GPR63: variants seen among roughly 807,000 people sequenced by gnomAD.
GPR63 encodes probable G protein-coupled receptor 63.
A neutral mutation model predicts 23.1 loss-of-function variants in GPR63; 12 were observed. The ratio of observed to expected loss-of-function variants is 0.52; its 90% CI spans 0.33 to 0.84. GPR63 has a LOEUF of 0.84. GPR63 is among the 40% of genes least tolerant of loss of function. The pLI is 0.02. For synonymous variants in GPR63, 172 were observed against 191.1 expected (o/e 0.90, Z 0.82); for missense variants, 472 against 515.6 (o/e 0.92, Z 0.82).
chr6:96,812,105 TTTAAAG>T (rs1431853753), intron 1 of GPR63, among the ~76,000 whole-genome samples: 4 of 152,020 alleles, frequency 2.6e-5, no homozygotes, highest in Non-Finnish European at 5.9e-5. Context: ...GAAGAGCTTA[TTTAAAG>T]TTATTTTTTA....
intron 1 of GPR63, among the ~76,000 whole-genome samples, chr6:96,826,684 T>C (rs1225256833): frequency 6.6e-6 from 1 of 152,094 alleles, no homozygotes; most frequent in Non-Finnish European, 1.5e-5. Context: ...AATTAGAATA[T>C]TTGTCAGAAG....
chr6:96,827,969 A>G (rs941161462), intron 1 of GPR63, among the ~76,000 whole-genome samples: 3 of 152,062 alleles, frequency 2.0e-5, no homozygotes, highest in African/African-American at 4.8e-5. Flanking sequence ...ACTAAATATA[A>G]CAGATACTGT....
At chr6:96,816,732 G>C (rs943646060) in intron 1 of GPR63, among the ~76,000 whole-genome samples, 1 of 152,172 alleles carries the variant, frequency 6.6e-6, no homozygotes, top group Non-Finnish European at 1.5e-5. Context: ...AAGCTTGAAA[G>C]TCTGGTAAAA....
In GPR63 at chr6:96,799,375, G is replaced by C. The variant is rs771942388; in HGVS notation, c.357C>G (p.Leu119=). The C allele has an allele frequency of 1.9e-6, 3 of 1,614,166 alleles. No homozygotes were observed. Among genetic ancestry groups the C allele is most frequent in the South Asian group, 1.1e-5 (1 of 91,078 alleles). ...KAAMRSAINI[L]LASLAFADML... is the part of the protein sequence containing the mutation. ...TGTCTGCAAAAGCTAGGCTGGCAAG[G>C]AGGATGTTAATTGCAGACCTCATGG... The change falls in exon 2 of 2, where the codon CTC becomes CTG. Residue 119 remains leucine, a synonymous_variant. Transcript: ENST00000229955.
At chr6:96,817,837 G>A (rs1774202498) in intron 1 of GPR63, among the ~76,000 whole-genome samples, 1 of 151,386 alleles carries the variant, frequency 6.6e-6, no homozygotes, top group South Asian at 2.1e-4. Context: ...AAGAGTAGGA[G>A]TTATGACTGG....
At chr6:96,810,411 C>T (rs530486555) in intron 1 of GPR63, among the ~76,000 whole-genome samples, 2 of 151,690 alleles carry the variant, frequency 1.3e-5, no homozygotes, top group Admixed American at 1.3e-4. Context: ...ACAAGAATCA[C>T]TTGAATCCAG....
intron 1 of GPR63, among the ~76,000 whole-genome samples, chr6:96,809,391 A>G (rs1773982670): frequency 6.6e-6 from 1 of 152,182 alleles, no homozygotes; most frequent in South Asian, 2.1e-4. Flanking sequence ...ATTACAACTT[A>G]GAAAGAAACT....
Position 96,796,947 on chromosome 6 carries a change from G to A in GPR63, c.*1525C>T, listed in dbSNP as rs1773595773. The A allele has an allele frequency of 6.6e-6, 1 of 152,148 alleles. No homozygotes were observed. The highest frequency in any genetic ancestry group is 2.4e-5 in the African/African-American group (1 of 41,422). 9.4% of individuals were successfully genotyped at this position (152,148 alleles called of 1,614,324 possible). On this transcript the variant is annotated 3_prime_UTR_variant, in exon 2 of 2. Transcript: ENST00000229955. ...TTGTAGGTCAGATGTGGTGGCTCAT[G>A]CCTGTAATCCCAACATTTTGGGAGG...
At chr6:96,809,792 C>T (rs935990947) in intron 1 of GPR63, among the ~76,000 whole-genome samples, 16 of 152,154 alleles carry the variant, frequency 1.1e-4, no homozygotes, top group Admixed American at 9.2e-4. Context: ...CATTCATTAA[C>T]TAAGATGTTC....
At chr6:96,815,282 CTTAAG>C (rs1325295503) in intron 1 of GPR63, among the ~76,000 whole-genome samples, 2 of 152,148 alleles carry the variant, frequency 1.3e-5, no homozygotes, top group African/African-American at 4.8e-5. Context: ...AGAATTTGAT[CTTAAG>C]TTAATGATTT....
chr6:96,818,021 T>G (rs533282988), intron 1 of GPR63, among the ~76,000 whole-genome samples: 18 of 151,822 alleles, frequency 1.2e-4, no homozygotes, highest in Non-Finnish European at 2.5e-4. Context: ...AGAAATAATT[T>G]TATACTACCC....
At chr6:96,826,004 A>G (rs374696270) in intron 1 of GPR63, among the ~76,000 whole-genome samples, 1 of 152,120 alleles carries the variant, frequency 6.6e-6, no homozygotes, top group East Asian at 1.9e-4. Context: ...TAAAATATAA[A>G]AAATAAAAAG....
chr6:96,827,678 G>A (rs757049866), intron 1 of GPR63, among the ~76,000 whole-genome samples: 6 of 151,654 alleles, frequency 4.0e-5, no homozygotes, highest in Non-Finnish European at 7.4e-5. Context: ...CCCTGACAAA[G>A]AAAAAAATGA....
At chr6:96,821,107 A>C (rs959230682) in intron 1 of GPR63, among the ~76,000 whole-genome samples, 1 of 152,208 alleles carries the variant, frequency 6.6e-6, no homozygotes, top group Non-Finnish European at 1.5e-5. Context: ...TGGGCAGGTT[A>C]CTGAACCTCA....
chr6:96,819,121 A>T (rs1449949474), intron 1 of GPR63, among the ~76,000 whole-genome samples: 1 of 152,228 alleles, frequency 6.6e-6, no homozygotes, highest in Non-Finnish European at 1.5e-5. Flanking sequence ...TGATTCCTCA[A>T]GGATCTAGAA....
chr6:96,817,922 C>T (rs918989988), intron 1 of GPR63, among the ~76,000 whole-genome samples: 5 of 149,154 alleles, frequency 3.4e-5, no homozygotes, highest in African/African-American at 1.2e-4. Context: ...ATGATTGGTG[C>T]GTCTTTCTGC....
Position 96,794,694 on chromosome 6 carries a change from AT to A in GPR63, c.*3777del, listed in dbSNP as rs1773538535. 6.6e-6 allele frequency: 1 copy of A among 152,200 alleles called. No individual in the cohort carries two copies. Among genetic ancestry groups the A allele is most frequent in the Non-Finnish European group, 1.5e-5 (1 of 68,024 alleles). The allele number at this position is 152,200 out of a possible 1,614,324, so 9.4% of individuals were successfully genotyped here. A position where few individuals can be genotyped will look rare whatever the true frequency, so the allele number is the denominator to read the frequency against. ...CAATAGGAATTAGATAAATCTTTAC[AT>A]TCTTCCGGGAATTACACACAATAAA... On this transcript the variant is annotated 3_prime_UTR_variant, in exon 2 of 2. Transcript: ENST00000229955.
chr6:96,801,472 T>G (rs2127944017), intron 1 of GPR63, among the ~76,000 whole-genome samples: 1 of 152,330 alleles, frequency 6.6e-6, no homozygotes, highest in Non-Finnish European at 1.5e-5. Flanking sequence ...GTGTTGGGAT[T>G]ACAGGCGTGA....
rs750125698 is a variant in GPR63 at position 96,794,551 on chromosome 6, T to G, written c.*3921A>C. On this transcript the variant is annotated 3_prime_UTR_variant, in exon 2 of 2. Transcript: ENST00000229955. ...TGATACATATGTAAATATTTTCACATAAACAAAAACAAAGATCAAGAAAAA... is the reference window on the plus strand; with the variant it reads ...TGATACATATGTAAATATTTTCACAGAAACAAAAACAAAGATCAAGAAAAA... The G allele has an allele frequency of 4.6e-5, 7 of 152,136 alleles. No homozygotes were observed. The highest frequency in any genetic ancestry group is 1.0e-4 in the Non-Finnish European group (7 of 68,032). 9.4% of individuals were successfully genotyped at this position (152,136 alleles called of 1,614,324 possible).
Sources: allele counts gnomAD v4.1 joint callset (sites outside exome capture counted in the v4.1 genomes callset), GRCh38; gene constraint gnomAD v4.1.1; transcripts MANE v1.5; gene names NCBI Gene and HGNC (gene_info 2026-07-23, HGNC 2026-07-21).